Variants in NRXN1 observed in about 807,000 individuals in gnomAD.
NRXN1 encodes neurexin 1, also known as neurexin-1.
Under a neutral mutation model 150.9 loss-of-function variants are expected in NRXN1, and 39 were observed. That is an observed-to-expected ratio of 0.26 (90% CI 0.20 to 0.34). The LOEUF is 0.34. Among genes scored for constraint, NRXN1 ranks in the 10% least tolerant of loss-of-function variants. NRXN1 has a pLI of 1.00. For synonymous variants in NRXN1, 924 were observed against 757.0 expected (o/e 1.22, Z -3.62); for missense variants, 1,815 against 1,949.9 (o/e 0.93, Z 1.30).
intron 18 of NRXN1, among the ~76,000 whole-genome samples, chr2:50,107,223 T>C (rs1701770412): frequency 6.7e-6 from 1 of 149,410 alleles, no homozygotes; most frequent in Admixed American, 6.7e-5. Context: ...CCCAACTTAA[T>C]TCTTTGGAAG....
intron 22 of NRXN1, among the ~76,000 whole-genome samples, chr2:49,933,835 C>T (rs1670556898): frequency 6.6e-6 from 1 of 152,170 alleles, no homozygotes; most frequent in Non-Finnish European, 1.5e-5. Flanking sequence ...ATATGCACTG[C>T]ACACAGTGTC....
At chr2:50,323,563 G>T (rs1429948423) in intron 17 of NRXN1, among the ~76,000 whole-genome samples, 1 of 143,802 alleles carries the variant, frequency 7.0e-6, no homozygotes, top group Non-Finnish European at 1.5e-5. Flanking sequence ...CAAGTTTCGG[G>T]AAATAAACTA....
At chr2:50,963,647 C>G (rs537786411) in intron 2 of NRXN1, among the ~76,000 whole-genome samples, 1 of 151,694 alleles carries the variant, frequency 6.6e-6, no homozygotes, top group African/African-American at 2.4e-5. Context: ...AGGAAGACAC[C>G]AGCATTGACA....
intron 17 of NRXN1, among the ~76,000 whole-genome samples, chr2:50,409,094 C>G (rs1258782049): frequency 6.6e-6 from 1 of 152,160 alleles, no homozygotes; most frequent in Non-Finnish European, 1.5e-5. Context: ...CAAGAGGCAG[C>G]TCTCCCCTTT....
chr2:50,634,911 A>AT (rs1158043345), intron 5 of NRXN1, among the ~76,000 whole-genome samples: 1 of 152,090 alleles, frequency 6.6e-6, no homozygotes, highest in Non-Finnish European at 1.5e-5. Flanking sequence ...TGAGTGCTCC[A>AT]TGTGACTTCC....
Position 50,572,399 on chromosome 2 carries a change from T to C in NRXN1, c.1321-19374A>G, listed in dbSNP as rs142547826. Among the ~76,000 whole-genome samples the C allele has an allele frequency of 6.4e-3, 981 of 152,350 alleles. 12 individuals carry two copies. Among genetic ancestry groups the C allele is most frequent in the African/African-American group, 0.022 (928 of 41,574 alleles). ...GTTTTTTAATGTCTGATCTAGCTCC[T>C]TCTGTTTTTGCAAGCATACTTCTTA... On this transcript the variant is annotated intron_variant, in intron 8 of 22. Transcript: ENST00000401669.
chr2:50,548,622 T>C (rs1484429835), intron 9 of NRXN1, among the ~76,000 whole-genome samples: 2 of 152,120 alleles, frequency 1.3e-5, no homozygotes, highest in Non-Finnish European at 2.9e-5. Flanking sequence ...ATACCAAATA[T>C]ATACTGAACA....
intron 12 of NRXN1, among the ~76,000 whole-genome samples, chr2:50,517,071 C>A (rs778726500): frequency 1.3e-5 from 2 of 152,120 alleles, no homozygotes; most frequent in Non-Finnish European, 2.9e-5. Flanking sequence ...CCTTGAGCAA[C>A]CTTCTTACTT....
At chr2:50,994,401 A>G (rs567791843) in intron 2 of NRXN1, among the ~76,000 whole-genome samples, 12 of 152,024 alleles carry the variant, frequency 7.9e-5, no homozygotes, top group Non-Finnish European at 1.5e-4. Context: ...AAGTTTTCCA[A>G]TTATACTTAA....
chr2:50,820,166 T>C lies in NRXN1; in HGVS notation c.832+101703A>G, dbSNP rs1001508971. 1.2e-4 allele frequency among the ~76,000 whole-genome samples: 19 copies of C among 152,120 alleles called. 1 individual carries two copies. Among genetic ancestry groups the C allele is most frequent in the African/African-American group, 4.1e-4 (17 of 41,428 alleles). On this transcript the variant is annotated intron_variant, in intron 5 of 22. Transcript: ENST00000401669. ...AAGAATCATGAAGTGGTCCAGAAAA[T>C]TGCTCTGGACCATCCTGATTTCTCT... is the stretch of plus-strand genomic sequence containing the variant.
intron 5 of NRXN1, among the ~76,000 whole-genome samples, chr2:50,871,829 C>G (rs887237701): frequency 6.6e-6 from 1 of 151,728 alleles, no homozygotes; most frequent in African/African-American, 2.4e-5. Context: ...ATCCATTGGT[C>G]TAAATATATT....
At chr2:50,178,322 T>A (rs909100558) in intron 18 of NRXN1, among the ~76,000 whole-genome samples, 2 of 151,914 alleles carry the variant, frequency 1.3e-5, no homozygotes, top group African/African-American at 4.8e-5. Flanking sequence ...AATGTTCTGC[T>A]TGGGATAACT....
intron 15 of NRXN1, among the ~76,000 whole-genome samples, chr2:50,492,438 T>G (rs1202365808): frequency 6.6e-6 from 1 of 152,092 alleles, no homozygotes. Flanking sequence ...GGAGTCAAGG[T>G]GGAGAATGAA....
intron 21 of NRXN1, among the ~76,000 whole-genome samples, chr2:49,952,841 C>A (rs1457558953): frequency 6.6e-6 from 1 of 152,072 alleles, no homozygotes; most frequent in East Asian, 1.9e-4. Flanking sequence ...TTCTCTCACA[C>A]AACTATCATT....
chr2:50,684,994 T>C (rs1389040550), intron 5 of NRXN1, among the ~76,000 whole-genome samples: 2 of 152,146 alleles, frequency 1.3e-5, no homozygotes, highest in African/African-American at 2.4e-5. Context: ...CATTAAGAAA[T>C]AAAAGTAGTC....
At chr2:51,016,386 A>G (rs1383131720) in intron 2 of NRXN1, among the ~76,000 whole-genome samples, 1 of 152,204 alleles carries the variant, frequency 6.6e-6, no homozygotes, top group East Asian at 1.9e-4. Context: ...TCCAGAATCT[A>G]TAAGGAACTT....
At chr2:50,205,580 C>G (rs2062510162) in intron 18 of NRXN1, among the ~76,000 whole-genome samples, 1 of 151,954 alleles carries the variant, frequency 6.6e-6, no homozygotes, top group South Asian at 2.1e-4. Flanking sequence ...TTGTATAAGT[C>G]ACACAGATGT....
chr2:50,853,863 A>C (rs1350964058), intron 5 of NRXN1, among the ~76,000 whole-genome samples: 1 of 152,130 alleles, frequency 6.6e-6, no homozygotes, highest in Non-Finnish European at 1.5e-5. Context: ...AATTAAAGAG[A>C]AAACAGTACA....
intron 17 of NRXN1, among the ~76,000 whole-genome samples, chr2:50,441,790 T>G (rs2085976437): frequency 6.6e-6 from 1 of 152,164 alleles, no homozygotes; most frequent in East Asian, 1.9e-4. Context: ...AAAATTTTAT[T>G]GAAAATTTCT....
Sources: gnomAD v4.1 joint callset for allele counts (sites outside exome capture counted in the v4.1 genomes callset) on GRCh38, gnomAD v4.1.1 for gene constraint, MANE v1.5 for transcripts, NCBI Gene and HGNC (gene_info 2026-07-23, HGNC 2026-07-21) for gene names.